Variants in DLG2 observed in about 807,000 individuals in gnomAD.
DLG2 encodes the protein disks large homolog 2.
A neutral mutation model predicts 132.5 loss-of-function variants in DLG2; 45 were observed. The ratio of observed to expected loss-of-function variants is 0.34; its 90% CI spans 0.27 to 0.44. The LOEUF (loss-of-function observed/expected upper bound fraction) is 0.44, where lower values mean the gene tolerates loss of function less well. Among genes scored for constraint, DLG2 ranks in the 20% least tolerant of loss-of-function variants. The pLI, the probability that DLG2 is intolerant of heterozygous loss-of-function variation, is 1.00. For missense variants in DLG2, 1,045 were observed against 1,196.9 expected (o/e 0.87, Z 1.87); for synonymous variants, 424 against 419.6 (o/e 1.01, Z -0.13).
At chr11:83,533,538 G>A (rs1252588626) in intron 20 of DLG2, among the ~76,000 whole-genome samples, 3 of 152,220 alleles carry the variant, frequency 2.0e-5, no homozygotes, top group Non-Finnish European at 4.4e-5. Flanking sequence ...CAAAGGAGGA[G>A]TAGAAAGCAT....
chr11:84,328,063 T>G (rs1369146240), intron 7 of DLG2, among the ~76,000 whole-genome samples: 1 of 152,218 alleles, frequency 6.6e-6, no homozygotes, highest in Non-Finnish European at 1.5e-5. Flanking sequence ...CTCTACTGAC[T>G]CTTTCCTGGT....
chr11:84,390,013 A>C (rs1000213383), intron 7 of DLG2, among the ~76,000 whole-genome samples: 4 of 152,176 alleles, frequency 2.6e-5, no homozygotes, highest in African/African-American at 9.6e-5. Flanking sequence ...ATTCAGTTTG[A>C]TACACTGTTT....
At chr11:84,071,306 T>C (rs1424589031) in intron 10 of DLG2, among the ~76,000 whole-genome samples, 14 of 152,178 alleles carry the variant, frequency 9.2e-5, no homozygotes, top group African/African-American at 2.9e-4. Context: ...GGTTTTGCCA[T>C]GTTGCCCAGG....
chr11:84,840,596 G>C (rs1030593792), intron 6 of DLG2, among the ~76,000 whole-genome samples: 16 of 152,100 alleles, frequency 1.1e-4, no homozygotes, highest in Non-Finnish European at 2.4e-4. Context: ...CAACCCAAAT[G>C]TCAATCAATA....
chr11:84,425,965 G>A (rs1390203935), intron 7 of DLG2, among the ~76,000 whole-genome samples: 1 of 152,084 alleles, frequency 6.6e-6, no homozygotes, highest in African/African-American at 2.4e-5. Flanking sequence ...TTTTGTTGTT[G>A]TTGTTGTTTT....
chr11:84,775,091 C>T (rs2070201322), intron 6 of DLG2, among the ~76,000 whole-genome samples: 3 of 151,902 alleles, frequency 2.0e-5, no homozygotes, highest in African/African-American at 7.2e-5. Flanking sequence ...CAACGAAAAG[C>T]TAATAACCTC....
At chr11:83,920,815 A>G (rs149089745) in intron 15 of DLG2, among the ~76,000 whole-genome samples, 386 of 152,208 alleles carry the variant, frequency 2.5e-3, no homozygotes, top group Middle Eastern at 0.01. Context: ...AAACTCTAAT[A>G]TTTTGTGTTC....
intron 3 of DLG2, among the ~76,000 whole-genome samples, chr11:85,434,486 T>C (rs1303738705): frequency 6.6e-6 from 1 of 150,716 alleles, no homozygotes; most frequent in East Asian, 1.9e-4. Context: ...AAATGATAAA[T>C]GGGATATCAC....
intron 8 of DLG2, among the ~76,000 whole-genome samples, chr11:84,187,724 G>T (rs561356309): frequency 1.3e-5 from 2 of 152,158 alleles, no homozygotes; most frequent in African/African-American, 4.8e-5. Context: ...TACACCTCTT[G>T]TCTGTTAAAG....
intron 4 of DLG2, among the ~76,000 whole-genome samples, chr11:85,180,073 T>A (rs2079586008): frequency 6.6e-6 from 1 of 152,054 alleles, no homozygotes; most frequent in East Asian, 1.9e-4. Context: ...TCAAAAGTTA[T>A]GTATTATTAA....
intron 19 of DLG2, among the ~76,000 whole-genome samples, chr11:83,603,079 T>A (rs1348564461): frequency 3.3e-5 from 5 of 152,186 alleles, no homozygotes; most frequent in African/African-American, 1.2e-4. Context: ...TGTTCGTGTG[T>A]GTGTGAATGA....
intron 6 of DLG2, among the ~76,000 whole-genome samples, chr11:84,986,170 G>A (rs1289040995): frequency 2.6e-5 from 4 of 151,952 alleles, no homozygotes; most frequent in East Asian, 3.9e-4. Flanking sequence ...AGGCCCCTAC[G>A]AACACCTTTA....
At chr11:83,976,283 T>C (rs988645687) in intron 12 of DLG2, among the ~76,000 whole-genome samples, 1 of 151,976 alleles carries the variant, frequency 6.6e-6, no homozygotes, top group Non-Finnish European at 1.5e-5. Flanking sequence ...ACCAGTTTAC[T>C]TACAGAACTC....
chr11:85,391,339 T>G (rs555256019), intron 3 of DLG2, among the ~76,000 whole-genome samples: 2 of 152,198 alleles, frequency 1.3e-5, no homozygotes, highest in South Asian at 4.1e-4. Flanking sequence ...CCAGATGGAC[T>G]CACAGCTGAA....
intron 6 of DLG2, among the ~76,000 whole-genome samples, chr11:84,584,807 G>C (rs1039185008): frequency 5.6e-5 from 8 of 143,038 alleles, no homozygotes; most frequent in African/African-American, 2.1e-4. Flanking sequence ...TCCTGCCTCA[G>C]CCTCCCAAGT....
At chr11:83,892,153 A>T (rs983202383) in intron 15 of DLG2, among the ~76,000 whole-genome samples, 8 of 152,172 alleles carry the variant, frequency 5.3e-5, no homozygotes, top group Non-Finnish European at 7.3e-5. Flanking sequence ...TCATTTGTTC[A>T]CCTAATCTTC....
intron 7 of DLG2, among the ~76,000 whole-genome samples, chr11:84,515,333 C>A (rs1343459184): frequency 6.7e-6 from 1 of 149,864 alleles, no homozygotes; most frequent in African/African-American, 2.5e-5. Context: ...TATATGCAGC[C>A]TACGAAACCC....
chr11:83,469,282 C>T lies in DLG2; in HGVS notation c.2538G>A (p.Glu846=). 6.2e-7 allele frequency: 1 copy of T among 1,613,804 alleles called. No homozygotes were observed. The highest frequency in any genetic ancestry group is 8.5e-7 in the Non-Finnish European group (1 of 1,179,808). ...ACTGGCCGGCTTCTATAAACTTGTG[C>T]TCTTGGATATCTTTCTCCATTTGTT... ...SREQMEKDIQ[E]HKFIEAGQYN... is the part of the protein sequence containing the mutation. The change falls in exon 25 of 28, where the codon GAG becomes GAA. Residue 846 remains glutamate, a synonymous_variant. Coordinates refer to ENST00000376104, the MANE Select transcript of DLG2 (RefSeq NM_001142699.3).
intron 4 of DLG2, among the ~76,000 whole-genome samples, chr11:85,181,076 G>T (rs571379340): frequency 6.6e-6 from 1 of 151,536 alleles, no homozygotes; most frequent in East Asian, 1.9e-4. Flanking sequence ...TGAAAGTATT[G>T]AATATTATTC....
Sources: allele counts gnomAD v4.1 joint callset (sites outside exome capture counted in the v4.1 genomes callset), GRCh38; gene constraint gnomAD v4.1.1; transcripts MANE v1.5; gene names NCBI Gene and HGNC (gene_info 2026-07-23, HGNC 2026-07-21).